IFT43: variants seen among roughly 807,000 people sequenced by gnomAD.
IFT43 encodes intraflagellar transport protein 43 homolog.
IFT43 carries 33 observed loss-of-function variants against 32.3 expected under a neutral mutation model. The observed-to-expected ratio is 1.02, with a 90% confidence interval of 0.77 to 1.37. The LOEUF (loss-of-function observed/expected upper bound fraction) is 1.37, where lower values mean the gene tolerates loss of function less well. Ranked by LOEUF, IFT43 falls within the 40% of genes most tolerant of loss-of-function variation. IFT43 has a pLI of 0.00. For synonymous variants in IFT43, 93 were observed against 98.2 expected, an observed-to-expected ratio of 0.95 and a Z score of 0.31; for missense variants, 274 against 265.9, an observed-to-expected ratio of 1.03 and a Z score of -0.21.
chr14:76,035,922 T>G (rs2036589640), intron 3 of IFT43, among the ~76,000 whole-genome samples: 1 of 152,226 alleles, frequency 6.6e-6, no homozygotes, highest in Non-Finnish European at 1.5e-5. Context: ...GCTTCATGTC[T>G]TGAAAAAGAC....
At chr14:76,078,397 C>T (rs1311123014) in intron 5 of IFT43, among the ~76,000 whole-genome samples, 1 of 152,134 alleles carries the variant, frequency 6.6e-6, no homozygotes, top group Non-Finnish European at 1.5e-5. Context: ...TAAGCAGTAC[C>T]TTTCTTTGTG....
chr14:76,075,167 C>T (rs1290447725), intron 5 of IFT43, among the ~76,000 whole-genome samples: 2 of 152,206 alleles, frequency 1.3e-5, no homozygotes, highest in African/African-American at 4.8e-5. Flanking sequence ...ACGCATGCTG[C>T]GTATGGTCAG....
chr14:76,075,826 G>A (rs1053000736), intron 5 of IFT43, among the ~76,000 whole-genome samples: 7 of 152,160 alleles, frequency 4.6e-5, no homozygotes, highest in African/African-American at 1.4e-4. Context: ...TTCCCCATAC[G>A]TGATGCAGAA....
chr14:75,994,547 G>A (rs1334878727), intron 2 of IFT43, among the ~76,000 whole-genome samples: 4 of 152,132 alleles, frequency 2.6e-5, no homozygotes, highest in Non-Finnish European at 4.4e-5. Flanking sequence ...TACTTAGCAC[G>A]GTATCCGGCA....
At chr14:75,990,900 T>G (rs1314054830) in intron 2 of IFT43, among the ~76,000 whole-genome samples, 3 of 152,188 alleles carry the variant, frequency 2.0e-5, no homozygotes, top group African/African-American at 7.2e-5. Flanking sequence ...ACTCAACAAC[T>G]ATTTATTGAA....
At chr14:76,060,505 C>T (rs924631041) in intron 5 of IFT43, among the ~76,000 whole-genome samples, 7 of 151,700 alleles carry the variant, frequency 4.6e-5, no homozygotes, top group Non-Finnish European at 8.8e-5. Flanking sequence ...AGCCGTGAGC[C>T]ACCGCGCCCG....
intron 5 of IFT43, among the ~76,000 whole-genome samples, chr14:76,077,721 T>G (rs2037435856): frequency 6.6e-6 from 1 of 152,208 alleles, no homozygotes; most frequent in Non-Finnish European, 1.5e-5. Context: ...TTACTCCCTC[T>G]GGATTTCCCC....
chr14:76,001,080 C>G (rs1043256461), intron 2 of IFT43, among the ~76,000 whole-genome samples: 1 of 152,086 alleles, frequency 6.6e-6, no homozygotes, highest in African/African-American at 2.4e-5. Context: ...GACACATAGA[C>G]CCTTCATGAT....
At chr14:76,078,639 G>A (rs944147227) in intron 5 of IFT43, among the ~76,000 whole-genome samples, 2 of 152,240 alleles carry the variant, frequency 1.3e-5, no homozygotes. Flanking sequence ...GATAGCCAAC[G>A]TCAAGGCAGG....
chr14:75,993,545 G>C (rs1180726478), intron 2 of IFT43, among the ~76,000 whole-genome samples: 1 of 152,206 alleles, frequency 6.6e-6, no homozygotes, highest in African/African-American at 2.4e-5. Context: ...AATTTTTCAA[G>C]TGGCCTCCTC....
intron 2 of IFT43, among the ~76,000 whole-genome samples, chr14:76,003,957 G>A (rs746602917): frequency 2.6e-5 from 4 of 151,910 alleles, no homozygotes; most frequent in Non-Finnish European, 5.9e-5. Context: ...TGCATTTTTA[G>A]TAGAGACAGG....
At chr14:76,017,777 G>A (rs1287115155) in intron 2 of IFT43, among the ~76,000 whole-genome samples, 1 of 151,988 alleles carries the variant, frequency 6.6e-6, no homozygotes, top group African/African-American at 2.4e-5. Flanking sequence ...GTTCAATCTT[G>A]GTAGGTTGTA....
At chr14:76,044,337 G>A (rs139965368) in intron 3 of IFT43, among the ~76,000 whole-genome samples, 1 of 152,242 alleles carries the variant, frequency 6.6e-6, no homozygotes, top group Non-Finnish European at 1.5e-5. Context: ...ACCATGCCAG[G>A]CCACAAAGCA....
intron 2 of IFT43, among the ~76,000 whole-genome samples, chr14:76,021,521 T>A (rs1594822483): frequency 1.3e-5 from 2 of 152,240 alleles, no homozygotes; most frequent in South Asian, 2.1e-4. Context: ...TACTGTTTGG[T>A]AACATGTTTT....
At chr14:76,083,954 C>T (rs547746840), downstream of IFT43, 17 of 464,286 alleles carry the variant, frequency 3.7e-5, no homozygotes, top group Admixed American at 9.3e-5. Context: ...GGTTCTGGGG[C>T]GGGGCCTCCC....
chr14:76,012,309 T>A (rs910498666), intron 2 of IFT43, among the ~76,000 whole-genome samples: 18 of 152,200 alleles, frequency 1.2e-4, no homozygotes, highest in African/African-American at 2.4e-5. Flanking sequence ...ATCTTAAGAA[T>A]CTGGGGGAAC....
chr14:76,074,021 G>T (rs559774685), intron 5 of IFT43, among the ~76,000 whole-genome samples: 114 of 152,106 alleles, frequency 7.5e-4, no homozygotes, highest in African/African-American at 2.6e-3. Context: ...CGTATGTGGG[G>T]GTGTCACGGG....
At chr14:76,081,745 G>A (rs961324048) in intron 5 of IFT43, among the ~76,000 whole-genome samples, 3 of 152,178 alleles carry the variant, frequency 2.0e-5, no homozygotes, top group African/African-American at 7.2e-5. Context: ...AGGGAGTCAG[G>A]CTATGTCATT....
intron 3 of IFT43, among the ~76,000 whole-genome samples, chr14:76,024,201 C>A (rs144050799): frequency 6.6e-6 from 1 of 152,240 alleles, no homozygotes; most frequent in African/African-American, 2.4e-5. Flanking sequence ...GTGAGATCTT[C>A]GGCCATCCAG....
Sources: gnomAD v4.1 joint callset for allele counts (sites outside exome capture counted in the v4.1 genomes callset) on GRCh38, gnomAD v4.1.1 for gene constraint, MANE v1.5 for transcripts, NCBI Gene and HGNC (gene_info 2026-07-23, HGNC 2026-07-21) for gene names.